Variants in CTNNA2 observed in about 807,000 individuals in gnomAD.
The protein encoded by CTNNA2 is catenin alpha-2.
CTNNA2 carries 42 observed loss-of-function variants against 101.0 expected under a neutral mutation model. The observed-to-expected ratio is 0.42, with a 90% CI of 0.32 to 0.54. The LOEUF (loss-of-function observed/expected upper bound fraction) is 0.54. Ranked by LOEUF, CTNNA2 falls within the 20% of genes least tolerant of loss-of-function variation. CTNNA2 has a pLI of 0.14. For synonymous variants in CTNNA2, 450 were observed against 456.4 expected (o/e 0.99, Z 0.18); for missense variants, 871 against 1,223.1 (o/e 0.71, Z 4.29).
rs926474337 is a variant in CTNNA2 at position 79,874,089 on chromosome 2, C to T, written c.599C>T (p.Pro200Leu). 24 of 1,614,146 alleles carry T rather than the reference C, an allele frequency of 1.5e-5. No individual in the cohort carries two copies. Among genetic ancestry groups the T allele is most frequent in the Non-Finnish European group, 2.0e-5 (24 of 1,180,026 alleles). ...AARRQQELKDPHCRDEMAAAR... is the reference protein window; with the variant it reads ...AARRQQELKDLHCRDEMAAAR... ...TTACACACACAGGAGCTGAAGGATC[C>T]TCACTGTCGGGATGAGATGGCAGCC... The change falls in exon 6 of 19, where the codon CCT (proline) becomes CTT (leucine). Residue 200 changes from proline to leucine, a missense_variant. Physicochemically the swap from Pro to Leu is moderately conservative, Grantham distance 98. Coordinates refer to ENST00000402739, the MANE Select transcript of CTNNA2 (RefSeq NM_001282597.3).
At chr2:80,232,341 G>GT (rs1286822049) in intron 7 of CTNNA2, among the ~76,000 whole-genome samples, 6 of 82,052 alleles carry the variant, frequency 7.3e-5, no homozygotes, top group Admixed American at 1.5e-4. Flanking sequence ...TTGTTTGTTT[G>GT]TTTGTTTTTT....
chr2:79,221,545 A>G (rs1427257370), intron 2 of CTNNA2, among the ~76,000 whole-genome samples: 7 of 152,192 alleles, frequency 4.6e-5, no homozygotes, highest in Non-Finnish European at 1.0e-4. Flanking sequence ...AGAAATGTTT[A>G]TAATCATCCT....
intron 2 of CTNNA2, among the ~76,000 whole-genome samples, chr2:79,199,484 A>T (rs975574609): frequency 1.3e-5 from 2 of 152,104 alleles, no homozygotes; most frequent in Non-Finnish European, 1.5e-5. Context: ...TTTCCTTATT[A>T]AAAAAACAGT....
chr2:80,086,349 A>C (rs1699438006), intron 7 of CTNNA2, among the ~76,000 whole-genome samples: 1 of 152,088 alleles, frequency 6.6e-6, no homozygotes, highest in African/African-American at 2.4e-5. Flanking sequence ...CAGACAACAT[A>C]TTTCTATTTG....
chr2:79,312,425 C>G (rs1211874570), intron 2 of CTNNA2, among the ~76,000 whole-genome samples: 1 of 152,132 alleles, frequency 6.6e-6, no homozygotes, highest in African/African-American at 2.4e-5. Flanking sequence ...TCTTTCCTAA[C>G]CACGCCGTTA....
chr2:80,212,664 C>T (rs1015097219), intron 7 of CTNNA2, among the ~76,000 whole-genome samples: 1 of 152,072 alleles, frequency 6.6e-6, no homozygotes, highest in African/African-American at 2.4e-5. Flanking sequence ...ATCAGGGATA[C>T]TAGTCTAAAA....
chr2:80,260,338 A>C (rs558324380), intron 7 of CTNNA2, among the ~76,000 whole-genome samples: 2 of 152,348 alleles, frequency 1.3e-5, no homozygotes, highest in East Asian at 1.9e-4. Context: ...ATTTTGTAGA[A>C]GTTGCTCATG....
At chr2:80,341,504 A>G (rs1364360878) in intron 7 of CTNNA2, among the ~76,000 whole-genome samples, 1 of 152,216 alleles carries the variant, frequency 6.6e-6, no homozygotes, top group African/African-American at 2.4e-5. Flanking sequence ...AAGCACATGA[A>G]AATATCCTCA....
chr2:79,495,275 TA>T (rs1339741159), intron 4 of CTNNA2, among the ~76,000 whole-genome samples: 1 of 152,164 alleles, frequency 6.6e-6, no homozygotes, highest in Admixed American at 6.5e-5. Context: ...CTCAATAATA[TA>T]AATTTGAATA....
At chr2:80,349,194 CAG>C (rs781186469) in intron 7 of CTNNA2, among the ~76,000 whole-genome samples, 2 of 152,096 alleles carry the variant, frequency 1.3e-5, no homozygotes, top group Non-Finnish European at 2.9e-5. Flanking sequence ...TCTGAAAATG[CAG>C]AGTCTTTCAT....
intron 3 of CTNNA2, among the ~76,000 whole-genome samples, chr2:79,848,569 T>C (rs561681004): frequency 4.6e-5 from 7 of 152,300 alleles, no homozygotes; most frequent in Non-Finnish European, 1.0e-4. Context: ...AGGCTACAGC[T>C]GAAATAATTA....
intron 1 of CTNNA2, chr2:79,636,991 A>G (rs1179803385): frequency 6.6e-6 from 1 of 152,104 alleles, no homozygotes; most frequent in East Asian, 1.9e-4. Context: ...AAGTAACTAG[A>G]AGATCATTTG....
At chr2:79,665,067 C>A (rs1395990823) in intron 2 of CTNNA2, among the ~76,000 whole-genome samples, 1 of 152,056 alleles carries the variant, frequency 6.6e-6, no homozygotes, top group Non-Finnish European at 1.5e-5. Flanking sequence ...CCTTTCTTGT[C>A]ACTCCTACCT....
intron 3 of CTNNA2, among the ~76,000 whole-genome samples, chr2:79,340,833 C>CA (rs56276462): frequency 0.33 from 10,795 of 32,560 alleles, 2,177 homozygotes; most frequent in African/African-American, 0.39. Flanking sequence ...GACTCAGTCT[C>CA]AAAAAAAAAA....
chr2:80,157,551 A>T (rs1233910122), intron 7 of CTNNA2, among the ~76,000 whole-genome samples: 1 of 152,042 alleles, frequency 6.6e-6, no homozygotes. Context: ...TTTTTTGTTT[A>T]TCAAAACCGT....
At chr2:80,612,282 T>A (rs1698530236) in intron 17 of CTNNA2, among the ~76,000 whole-genome samples, 1 of 151,512 alleles carries the variant, frequency 6.6e-6, no homozygotes, top group African/African-American at 2.4e-5. Flanking sequence ...TTTCACATTA[T>A]TTTAAAAAAT....
rs993249072 is a variant in CTNNA2, at chr2:80,123,001, C to T, written c.1056+213204C>T. The stretch of plus-strand genomic sequence containing the variant: ...TCATCAGCTTCAAATGGAACCGTCT[C>T]ACTTCTGCTGTCTCTGAGGGTGATA... On this transcript the variant is annotated intron_variant, in intron 7 of 18. Coordinates refer to ENST00000402739, the MANE Select transcript of CTNNA2 (RefSeq NM_001282597.3). Among the ~76,000 whole-genome samples the T allele has an allele frequency of 2.9e-4, 44 of 152,290 alleles. 1 individual carries two copies. Among genetic ancestry groups the T allele is most frequent in the African/African-American group, 1.0e-3 (43 of 41,566 alleles).
chr2:80,348,121 A>C (rs1672941712), intron 7 of CTNNA2, among the ~76,000 whole-genome samples: 1 of 152,136 alleles, frequency 6.6e-6, no homozygotes, highest in African/African-American at 2.4e-5. Flanking sequence ...ACAATTTCTG[A>C]AACAGACTTT....
intron 7 of CTNNA2, among the ~76,000 whole-genome samples, chr2:79,969,272 A>G (rs1426755161): frequency 5.9e-5 from 9 of 152,336 alleles, no homozygotes; most frequent in Admixed American, 3.9e-4. Flanking sequence ...TTGGAACTCA[A>G]TATTTTGGGG....
Sources: allele counts gnomAD v4.1 joint callset (sites outside exome capture counted in the v4.1 genomes callset), GRCh38; gene constraint gnomAD v4.1.1; transcripts MANE v1.5; gene names NCBI Gene and HGNC (gene_info 2026-07-23, HGNC 2026-07-21).